HECA: variants seen among roughly 807,000 people sequenced by gnomAD.
HECA encodes headcase protein homolog.
In HECA, 13 loss-of-function variants were observed where a neutral mutation model predicts 37.6. The ratio of observed to expected loss-of-function variants is 0.35; its 90% CI spans 0.23 to 0.55. The LOEUF is 0.55. HECA is among the 20% of genes least tolerant of loss of function. The pLI, the probability that HECA is intolerant of heterozygous loss-of-function variation, is 0.90. For synonymous variants in HECA, 307 were observed against 291.5 expected, an observed-to-expected ratio of 1.05 and a Z score of -0.54; for missense variants, 527 against 701.9, an observed-to-expected ratio of 0.75 and a Z score of 2.82.
chr6:139,174,281 T>TA, intron 2 of HECA, 104 bp from the exon 3 acceptor site: 1 of 1,326,480 alleles, frequency 7.5e-7, no homozygotes, highest in Non-Finnish European at 1.0e-6. Flanking sequence ...ATCCAAATGA[T>TA]AAAATCTTTG....
At chr6:139,180,796 AAACT>A (rs1415236280) in exon 4 of HECA, 3 of 152,650 alleles carry the variant, frequency 2.0e-5, no homozygotes, top group Admixed American at 6.5e-5. Context: ...AAAATTCCAG[AAACT>A]AACATTGTAC....
chr6:139,164,871 A>G (rs1053353517), intron 1 of HECA, among the ~76,000 whole-genome samples: 5 of 147,208 alleles, frequency 3.4e-5, no homozygotes, highest in Admixed American at 1.4e-4. Context: ...GTCCTGCACT[A>G]TGAGACTCTC....
At chr6:139,173,628 C>T (rs1249746660) in intron 2 of HECA, among the ~76,000 whole-genome samples, 5 of 152,180 alleles carry the variant, frequency 3.3e-5, no homozygotes, top group Admixed American at 2.0e-4. Context: ...TGCTGTTATA[C>T]GTTGCCTGGG....
chr6:139,172,455 G>A (rs1440033530), intron 2 of HECA, among the ~76,000 whole-genome samples: 1 of 152,058 alleles, frequency 6.6e-6, no homozygotes, highest in Non-Finnish European at 1.5e-5. Context: ...TCTGGACTTC[G>A]TTTGCTCTCT....
intron 1 of HECA, among the ~76,000 whole-genome samples, chr6:139,154,754 C>T (rs1774693141): frequency 6.6e-6 from 1 of 152,214 alleles, no homozygotes; most frequent in Non-Finnish European, 1.5e-5. Flanking sequence ...GCAGGTCCAG[C>T]ATTTACACTG....
intron 1 of HECA, among the ~76,000 whole-genome samples, chr6:139,137,620 C>T (rs115955531): frequency 1.9e-4 from 26 of 140,378 alleles, no homozygotes; most frequent in South Asian, 6.7e-4. Flanking sequence ...TGCCCACCCC[C>T]CTACCAGCTC....
At chr6:139,175,379 T>A (rs1211189601) in intron 3 of HECA, among the ~76,000 whole-genome samples, 2 of 152,238 alleles carry the variant, frequency 1.3e-5, no homozygotes, top group Non-Finnish European at 2.9e-5. Context: ...TGCATAGTTT[T>A]ATGTCTTTAG....
intron 1 of HECA, among the ~76,000 whole-genome samples, chr6:139,156,006 T>C (rs2114453501): frequency 6.6e-6 from 1 of 152,032 alleles, no homozygotes; most frequent in South Asian, 2.1e-4. Flanking sequence ...ACCATTTATA[T>C]TTTTTATATT....
At position 139,167,392 on chromosome 6, in the gene HECA, G is replaced by C; in HGVS notation, c.1312+68G>C. On this transcript the variant is annotated intron_variant, in intron 2 of 3. Coordinates refer to ENST00000367658, the MANE Select transcript of HECA (RefSeq NM_016217.3). ...AACCAAACAACAAACAAGACAGATTGCTCTATTTTGGTGTAGTTTTCACCA... is the reference window on the plus strand; with the variant it reads ...AACCAAACAACAAACAAGACAGATTCCTCTATTTTGGTGTAGTTTTCACCA... 4 of 1,288,810 alleles carry C rather than the reference G, an allele frequency of 3.1e-6. No homozygotes were observed. In the South Asian group the frequency reaches 4.3e-5, roughly 14 times the overall value. The allele number at this position is 1,288,810 out of a possible 1,614,324, so 79.8% of individuals were successfully genotyped here.
intron 1 of HECA, among the ~76,000 whole-genome samples, chr6:139,159,432 C>T (rs983025412): frequency 6.6e-6 from 1 of 152,122 alleles, no homozygotes; most frequent in African/African-American, 2.4e-5. Flanking sequence ...GGAACCGGGA[C>T]TTACACATAA....
chr6:139,177,010 G>A lies in HECA; in HGVS notation c.1537G>A (p.Glu513Lys), dbSNP rs1327204129. The change falls in exon 4 of 4, where the codon GAA becomes AAA. Residue 513 changes from glutamate to lysine, a missense_variant. Physicochemically the swap from Glu to Lys is moderately conservative, Grantham distance 56. Transcript: ENST00000367658. The surrounding 1 kb of genome is among the most constrained non-coding windows in gnomAD (Gnocchi z 4.9). ...GAGGATCGGGATGCAGTACTTCTCC[G>A]AATATAGCAACGTCCAGCAGTGTCC... ...DVRIGMQYFS[E>K]YSNVQQCPHC... The A allele has an allele frequency of 1.1e-6, 1 of 872,852 alleles. No individual in the cohort carries two copies. The highest frequency in any genetic ancestry group is 2.0e-6 in the Non-Finnish European group (1 of 501,598). The allele number at this position is 872,852 out of a possible 1,614,324, so 54.1% of individuals were successfully genotyped here. A position where few individuals can be genotyped will look rare whatever the true frequency, so the allele number is the denominator to read the frequency against.
intron 2 of HECA, among the ~76,000 whole-genome samples, chr6:139,172,903 C>T (rs1460133531): frequency 1.3e-5 from 2 of 152,178 alleles, no homozygotes; most frequent in East Asian, 1.9e-4. Flanking sequence ...GCCATACCCT[C>T]GGTTAACTCT....
rs1008232961 is a variant in HECA, at chr6:139,158,683, A to AAG, written c.272-7600_272-7599insGA. 1.1e-3 allele frequency among the ~76,000 whole-genome samples: 174 copies of AAG among 151,828 alleles called. 1 individual carries two copies. Among genetic ancestry groups the AAG allele is most frequent in the African/African-American group, 3.2e-3 (134 of 41,350 alleles). ...AAGACCCTGTCTCAAAAAAAAAAAA[A>AAG]AAAAGAAAAATTGGTGTTTAGGTGC... On this transcript the variant is annotated intron_variant, in intron 1 of 3. Coordinates refer to ENST00000367658, the MANE Select transcript of HECA (RefSeq NM_016217.3).
chr6:139,166,454 A>G lies in HECA; in HGVS notation c.442A>G (p.Ile148Val). Reference sequence around the variant, plus strand: ...CAGCATCCTCGTCCAGTTCAACTGCATCGGCCGCGCGCGCAGCTGGAACGA... The same window carrying G: ...CAGCATCCTCGTCCAGTTCAACTGCGTCGGCCGCGCGCGCAGCTGGAACGA... ...ESSILVQFNC[I>V]GRARSWNEKQ... The change falls in exon 2 of 4, where the codon ATC becomes GTC. Residue 148 changes from isoleucine (I) to valine (V), a missense_variant. This residue lies in a region of HECA where 172 missense variants were observed against 197.6 expected (regional missense o/e 0.87). Coordinates refer to ENST00000367658, the MANE Select transcript of HECA (RefSeq NM_016217.3). The G allele has an allele frequency of 6.2e-7, 1 of 1,614,204 alleles. No individual in the cohort carries two copies. The highest frequency in any genetic ancestry group is 1.7e-5 in the Admixed American group (1 of 60,034).
intron 2 of HECA, among the ~76,000 whole-genome samples, chr6:139,169,261 A>G (rs137892834): frequency 3.0e-4 from 46 of 151,946 alleles, no homozygotes; most frequent in African/African-American, 1.1e-3. Context: ...GAACTCCTTT[A>G]TTTTATATAT....
intron 1 of HECA, among the ~76,000 whole-genome samples, chr6:139,164,080 A>ACTCTCTCTCT (rs71549028): frequency 0.03 from 4,508 of 148,130 alleles, 67 homozygotes; most frequent in Non-Finnish European, 0.041. Context: ...ACACACACAC[A>ACTCTCTCTCT]CTCTCTCTCT....
At chr6:139,174,639 T>C in intron 3 of HECA, 100 bp downstream of exon 3, 1 of 1,507,890 alleles carries the variant, frequency 6.6e-7, no homozygotes, top group Non-Finnish European at 8.9e-7. Context: ...AGAAATTCAG[T>C]CCAGCAATGA....
chr6:139,152,073 A>C (rs1438784774), intron 1 of HECA, among the ~76,000 whole-genome samples: 1 of 152,212 alleles, frequency 6.6e-6, no homozygotes, highest in Non-Finnish European at 1.5e-5. Context: ...TTTAGGATAA[A>C]CTATGACACT....
At chr6:139,148,842 C>T (rs758802604) in intron 1 of HECA, among the ~76,000 whole-genome samples, 6 of 152,010 alleles carry the variant, frequency 3.9e-5, no homozygotes, top group Non-Finnish European at 7.4e-5. Context: ...TCACTGCTGT[C>T]GAGTCAATAG....
Sources: gnomAD v4.1 joint callset for allele counts (sites outside exome capture counted in the v4.1 genomes callset) on GRCh38, gnomAD v4.1.1 for gene constraint, gnomAD v4.1.1 regional missense constraint, Gnocchi (gnomAD v3.1) non-coding constraint, MANE v1.5 for transcripts, NCBI Gene and HGNC (gene_info 2026-07-23, HGNC 2026-07-21) for gene names.